ITCH: variants seen among roughly 807,000 people sequenced by gnomAD.
The protein encoded by ITCH is itchy E3 ubiquitin protein ligase.
In ITCH, 28 loss-of-function variants were observed where a neutral mutation model predicts 126.8. That is an observed-to-expected ratio of 0.22 (90% CI 0.16 to 0.30). The LOEUF (loss-of-function observed/expected upper bound fraction) is 0.30. Ranked by LOEUF, ITCH falls within the 10% of genes least tolerant of loss-of-function variation. The pLI is 1.00. For missense variants in ITCH, 631 were observed against 1,032.4 expected (o/e 0.61, Z 5.33); for synonymous variants, 342 against 340.0 (o/e 1.01, Z -0.06).
Position 34,456,825 on chromosome 20 carries a change from A to G in ITCH, c.1211-565A>G, listed in dbSNP as rs1363596082. 3.3e-5 allele frequency among the ~76,000 whole-genome samples: 5 copies of G among 151,504 alleles called. No individual in the cohort carries two copies. In the East Asian group the frequency reaches 9.7e-4, roughly 29 times the overall value. Reference sequence around the variant, plus strand: ...TCAAACTCCTGAGCTCAAGCAATCTACTTGCCTTGGCCTCCCAAAGTGCTG... The same window carrying G: ...TCAAACTCCTGAGCTCAAGCAATCTGCTTGCCTTGGCCTCCCAAAGTGCTG... On this transcript the variant is annotated intron_variant, in intron 12 of 24. Transcript: ENST00000374864.
At chr20:34,456,622 G>T (rs1986023737) in intron 12 of ITCH, among the ~76,000 whole-genome samples, 2 of 126,532 alleles carry the variant, frequency 1.6e-5, no homozygotes, top group African/African-American at 6.0e-5. Flanking sequence ...GACAAAGTGA[G>T]ACCTTGTCTC....
chr20:34,395,807 A>G (rs891710068), intron 3 of ITCH, among the ~76,000 whole-genome samples: 3 of 152,114 alleles, frequency 2.0e-5, no homozygotes, highest in African/African-American at 7.2e-5. Flanking sequence ...ATAATATTTT[A>G]TTGTATGAGT....
At chr20:34,371,752 G>T (rs1481808612) in intron 2 of ITCH, among the ~76,000 whole-genome samples, 1 of 152,090 alleles carries the variant, frequency 6.6e-6, no homozygotes, top group African/African-American at 2.4e-5. Context: ...GCAGTTCTTT[G>T]TGGAAAGGTA....
chr20:34,390,918 A>G lies in ITCH; in HGVS notation c.-21-2873A>G, dbSNP rs57459570. Among the ~76,000 whole-genome samples, 581 of 151,000 alleles carry G rather than the reference A, an allele frequency of 3.8e-3. 7 individuals carry two copies. Among genetic ancestry groups the G allele is most frequent in the African/African-American group, 0.014 (561 of 41,044 alleles). On this transcript the variant is annotated intron_variant, in intron 2 of 24. Transcript: ENST00000374864. ...AAGCATCCACCACCACGCCCAGCTA[A>G]TTTTTTGTATTTTTAATACAGACGG... is the stretch of plus-strand genomic sequence containing the variant.
At chr20:34,420,864 C>T (rs932167782) in intron 6 of ITCH, among the ~76,000 whole-genome samples, 1 of 152,150 alleles carries the variant, frequency 6.6e-6, no homozygotes. Flanking sequence ...CCCCAGAGAA[C>T]ATTTCTTTTG....
intron 23 of ITCH, among the ~76,000 whole-genome samples, chr20:34,503,837 CTTTTGGGTT>C (rs1990421318): frequency 1.1e-5 from 1 of 91,006 alleles, no homozygotes; most frequent in South Asian, 3.7e-4. Context: ...TTGTTGGTTG[CTTTTGGGTT>C]TTTTGGGTTT....
In ITCH at chr20:34,508,644, T is replaced by A. The variant is rs1978419660; in HGVS notation, c.*850T>A. ...TGGGCAACATAGGGAGACCCTGTCT[T>A]TTTTTTGGGCAGCGTGGTGGGGGAT... On this transcript the variant is annotated 3_prime_UTR_variant, in exon 25 of 25. Coordinates refer to ENST00000374864, the MANE Select transcript of ITCH (RefSeq NM_031483.7). The A allele has an allele frequency of 1.3e-5, 2 of 152,132 alleles. No individual in the cohort carries two copies. The highest frequency in any genetic ancestry group is 2.9e-5 in the Non-Finnish European group (2 of 67,986). 9.4% of individuals were successfully genotyped at this position (152,132 alleles called of 1,614,324 possible).
At chr20:34,427,240 G>A (rs889208231) in intron 7 of ITCH, among the ~76,000 whole-genome samples, 12 of 152,154 alleles carry the variant, frequency 7.9e-5, no homozygotes, top group African/African-American at 2.4e-4. Context: ...ATATTAAGGA[G>A]CAGTAACTTC....
chr20:34,440,614 G>T (rs1480774854), intron 9 of ITCH, among the ~76,000 whole-genome samples: 1 of 151,950 alleles, frequency 6.6e-6, no homozygotes, highest in Non-Finnish European at 1.5e-5. Flanking sequence ...GCACTACCAA[G>T]CCCGGCTAAT....
At chr20:34,507,263 G>GTTTTTTTTTTTTT (rs776161631) in intron 24 of ITCH, among the ~76,000 whole-genome samples, 25 of 39,160 alleles carry the variant, frequency 6.4e-4, no homozygotes, top group East Asian at 1.8e-3. Context: ...GTTTTCTTCT[G>GTTTTTTTTTTTTT]TTTTTTTTTT....
chr20:34,437,315 T>C (rs1045252399), intron 7 of ITCH, among the ~76,000 whole-genome samples: 3 of 152,170 alleles, frequency 2.0e-5, no homozygotes, highest in Non-Finnish European at 4.4e-5. Context: ...TCTGTTTCTT[T>C]GTTTGTTTGA....
intron 2 of ITCH, among the ~76,000 whole-genome samples, chr20:34,385,187 TTA>T (rs1238215278): frequency 2.4e-5 from 3 of 122,570 alleles, no homozygotes; most frequent in Non-Finnish European, 5.4e-5. Flanking sequence ...CCAGCTAATT[TTA>T]TGTGTGTGTG....
chr20:34,470,819 A>G (rs1000277676), intron 15 of ITCH, among the ~76,000 whole-genome samples: 6 of 152,176 alleles, frequency 3.9e-5, no homozygotes, highest in African/African-American at 1.4e-4. Flanking sequence ...TCCTGGATTC[A>G]AATGATCCTC....
intron 7 of ITCH, among the ~76,000 whole-genome samples, chr20:34,437,232 A>G (rs908468292): frequency 2.0e-5 from 3 of 152,218 alleles, no homozygotes; most frequent in Admixed American, 6.5e-5. Flanking sequence ...ATCATGTTAT[A>G]CTGTTTTTAT....
At chr20:34,363,687 G>A (rs2037288140) in intron 1 of ITCH, among the ~76,000 whole-genome samples, 2 of 152,112 alleles carry the variant, frequency 1.3e-5, no homozygotes, top group Non-Finnish European at 2.9e-5. Flanking sequence ...AGCCCCGCCT[G>A]GGGCCACTCT....
chr20:34,487,098 G>A (rs1035694460), intron 20 of ITCH, among the ~76,000 whole-genome samples: 13 of 141,038 alleles, frequency 9.2e-5, no homozygotes, highest in African/African-American at 2.9e-4. Flanking sequence ...TCTAAGCTCC[G>A]CTCCCTGGGT....
chr20:34,421,522 C>T (rs1217395228), intron 6 of ITCH, among the ~76,000 whole-genome samples: 5 of 152,106 alleles, frequency 3.3e-5, no homozygotes, highest in Admixed American at 6.5e-5. Context: ...AAGGGCAATA[C>T]GTTTGTAAAA....
Position 34,480,656 on chromosome 20 carries a change from A to G in ITCH, c.1876A>G (p.Ile626Val). 1 of 1,612,958 alleles carries G rather than the reference A, an allele frequency of 6.2e-7. No individual in the cohort carries two copies. Among genetic ancestry groups the G allele is most frequent in the East Asian group, 2.2e-5 (1 of 44,812 alleles). Residue 626 changes from isoleucine to valine, a missense_variant, in exon 19 of 25, where the codon ATC becomes GTC. This residue lies in a region of ITCH where 390 missense variants were observed against 731.6 expected (regional missense o/e 0.53). Coordinates refer to ENST00000374864, the MANE Select transcript of ITCH (RefSeq NM_031483.7). ...TTTTTCTTTACCATTCTATAAGCGT[A>G]TCTTGAACAAACCAGTTGGACTCAA... is the stretch of plus-strand genomic sequence containing the variant. ...TGFSLPFYKR[I>V]LNKPVGLKDL...
At chr20:34,485,447 T>C (rs1005774078) in intron 20 of ITCH, among the ~76,000 whole-genome samples, 7 of 152,208 alleles carry the variant, frequency 4.6e-5, no homozygotes, top group Non-Finnish European at 1.5e-5. Flanking sequence ...TAATATCTCG[T>C]GGTTTTAATT....
Sources: allele counts gnomAD v4.1 joint callset (sites outside exome capture counted in the v4.1 genomes callset), GRCh38; gene constraint gnomAD v4.1.1; regional missense constraint gnomAD v4.1.1; transcripts MANE v1.5; gene names NCBI Gene and HGNC (gene_info 2026-07-23, HGNC 2026-07-21).